Variants in HDGFL2 observed in about 807,000 individuals in gnomAD.
HDGFL2 encodes HDGF like 2.
A neutral mutation model predicts 77.1 loss-of-function variants in HDGFL2; 36 were observed. The observed-to-expected ratio is 0.47, with a 90% CI of 0.36 to 0.62. The LOEUF is 0.62. HDGFL2 is among the 20% of genes least tolerant of loss of function. The pLI is 0.00. For missense variants in HDGFL2, 976 were observed against 973.4 expected, an observed-to-expected ratio of 1.00 and a Z score of -0.04; for synonymous variants, 463 against 413.1, an observed-to-expected ratio of 1.12 and a Z score of -1.46.
chr19:4,486,069 A>C (rs12978440), intron 3 of HDGFL2, among the ~76,000 whole-genome samples: 60,568 of 145,242 alleles, frequency 0.42, 13,183 homozygotes, highest in Middle Eastern at 0.48. Flanking sequence ...AAAAAAAAAA[A>C]AACAACAACC....
At chr19:4,498,208 A>G (rs1392953938) in intron 11 of HDGFL2, 98 bp from the exon 12 acceptor site, 16 of 1,289,676 alleles carry the variant, frequency 1.2e-5, no homozygotes, top group East Asian at 9.5e-5. Context: ...TGGGGCCCCC[A>G]TGACAAATCC....
At chr19:4,477,154 T>C (rs1053980575) in intron 3 of HDGFL2, among the ~76,000 whole-genome samples, 1 of 152,138 alleles carries the variant, frequency 6.6e-6, no homozygotes, top group African/African-American at 2.4e-5. Context: ...TGTTTCGGCC[T>C]GGGCTGGGTG....
chr19:4,487,220 C>A (rs1437148840), intron 3 of HDGFL2, among the ~76,000 whole-genome samples: 1 of 152,132 alleles, frequency 6.6e-6, no homozygotes, highest in East Asian at 1.9e-4. Context: ...CCCACCGCGG[C>A]CTCCCAAAGT....
intron 6 of HDGFL2, among the ~76,000 whole-genome samples, chr19:4,492,965 C>CTGTG (rs1163630194): frequency 1.0e-5 from 1 of 98,410 alleles, no homozygotes; most frequent in Non-Finnish European, 2.0e-5. Flanking sequence ...TGTGAGTTGT[C>CTGTG]TGTGGTGTGT....
chr19:4,484,111 A>T (rs1388237675), intron 3 of HDGFL2, among the ~76,000 whole-genome samples: 2 of 91,940 alleles, frequency 2.2e-5, no homozygotes. Context: ...TTTTTTTGAG[A>T]CAGTGTCTGT....
intron 3 of HDGFL2, among the ~76,000 whole-genome samples, chr19:4,483,230 A>G (rs192632857): frequency 1.8e-4 from 27 of 152,278 alleles, no homozygotes; most frequent in Middle Eastern, 3.4e-3. Flanking sequence ...GCTCGGGCCG[A>G]GCGGTGACGC....
intron 3 of HDGFL2, among the ~76,000 whole-genome samples, chr19:4,488,234 G>C (rs1002288966): frequency 6.6e-6 from 1 of 152,222 alleles, no homozygotes; most frequent in Non-Finnish European, 1.5e-5. Context: ...GCCTCCCAAA[G>C]TGCTGGGATT....
At position 4,494,206 on chromosome 19, in the gene HDGFL2, C is replaced by A; in HGVS notation, c.955C>A (p.Arg319=). ...EVDRISEWKR[R]DEARRRELEA... ...GGACCGCATCAGTGAGTGGAAGCGG[C>A]GGGACGAGGCGCGGAGGCGCGAGCT... Residue 319 remains arginine (R), a synonymous_variant, in exon 9 of 16, where the codon CGG becomes AGG. Coordinates refer to ENST00000616600, the MANE Select transcript of HDGFL2 (RefSeq NM_001001520.3). The A allele has an allele frequency of 6.8e-7, 1 of 1,472,824 alleles. No homozygotes were observed. 91.2% of individuals were successfully genotyped at this position (1,472,824 alleles called of 1,614,324 possible). A position where few individuals can be genotyped will look rare whatever the true frequency, so the allele number is the denominator to read the frequency against.
chr19:4,498,412 C>G (rs554263647), intron 12 of HDGFL2, 36 bp downstream of exon 12: 1 of 1,507,108 alleles, frequency 6.6e-7, no homozygotes, highest in Non-Finnish European at 9.2e-7. Context: ...AAGCAGTCCC[C>G]GCTGCCACCT....
intron 10 of HDGFL2, chr19:4,496,923 G>A (rs1466061501): frequency 2.5e-6 from 1 of 405,072 alleles, no homozygotes; most frequent in African/African-American, 2.1e-5. Flanking sequence ...GCACAGGCTG[G>A]AGTGCAATGG....
chr19:4,482,970 C>T (rs1975258703), intron 3 of HDGFL2, among the ~76,000 whole-genome samples: 1 of 152,146 alleles, frequency 6.6e-6, no homozygotes. Context: ...ATTCTCTGAG[C>T]TGCTACTCCC....
intron 14 of HDGFL2, among the ~76,000 whole-genome samples, chr19:4,499,956 G>A (rs1975814088): frequency 6.6e-6 from 1 of 152,218 alleles, no homozygotes. Flanking sequence ...GAGGGGTGAC[G>A]GGGACAGTGC....
chr19:4,479,969 T>G (rs1220940797), intron 3 of HDGFL2, among the ~76,000 whole-genome samples: 3 of 151,822 alleles, frequency 2.0e-5, no homozygotes, highest in Non-Finnish European at 4.4e-5. Context: ...TCTGAAGCCT[T>G]GTAGACCCAG....
At position 4,494,249 on chromosome 19, in the gene HDGFL2, G is replaced by A. The variant is rs951411616; in HGVS notation, c.998G>A (p.Arg333Gln). The A allele has an allele frequency of 8.9e-6, 13 of 1,461,254 alleles. No homozygotes were observed. Among genetic ancestry groups the A allele is most frequent in the Non-Finnish European group, 1.1e-5 (12 of 1,110,412 alleles). 90.5% of individuals were successfully genotyped at this position (1,461,254 alleles called of 1,614,324 possible). The change falls in exon 9 of 16, where the codon CGA (arginine) becomes CAA (glutamine). Residue 333 changes from arginine (R) to glutamine (Q), a missense_variant. Physicochemically the swap from Arg to Gln is conservative, Grantham distance 43. Around this residue, in one of 5 missense-constraint regions of HDGFL2, gnomAD observed 567 missense variants for 534.7 expected, o/e 1.06. Coordinates refer to ENST00000616600, the MANE Select transcript of HDGFL2 (RefSeq NM_001001520.3). ...CGCGAGCTGGAGGCCCGGCGGCGGC[G>A]AGAGCAGGAGGAGGAGCTGCGGCGC... ...RRRELEARRRREQEEELRRLR... is the reference protein window; with the variant it reads ...RRRELEARRRQEQEEELRRLR...
chr19:4,472,450 T>TGGGGGGGG (rs57169858), intron 1 of HDGFL2, 28 bp downstream of exon 1: 4 of 282,880 alleles, frequency 1.4e-5, no homozygotes, highest in Non-Finnish European at 2.4e-5. Flanking sequence ...ATGGGGCCGG[T>TGGGGGGGG]GGGGGGGGGG....
chr19:4,496,257 T>C (rs1975697983), intron 9 of HDGFL2, 45 bp from the exon 10 acceptor site: 1 of 1,507,092 alleles, frequency 6.6e-7, no homozygotes, highest in Non-Finnish European at 9.2e-7. Context: ...GTCTGGGTAA[T>C]CCCCTCTTCC....
intron 7 of HDGFL2, 26 bp downstream of exon 7, chr19:4,493,888 C>G (rs1975621314): frequency 6.6e-7 from 1 of 1,509,698 alleles, no homozygotes; most frequent in Non-Finnish European, 8.9e-7. Flanking sequence ...TCGCACATCT[C>G]TTGGCCTGGC....
At chr19:4,498,133 C>A (rs1975757779) in intron 11 of HDGFL2, 102 bp downstream of exon 11, 2 of 1,245,226 alleles carry the variant, frequency 1.6e-6, no homozygotes, top group Non-Finnish European at 2.3e-6. Context: ...AGAGAGGGTG[C>A]TCAGCACATC....
rs375575025 is a variant in HDGFL2 at position 4,491,725 on chromosome 19, T to C, written c.607-39T>C. On this transcript the variant is annotated intron_variant, in intron 5 of 15. Coordinates refer to ENST00000616600, the MANE Select transcript of HDGFL2 (RefSeq NM_001001520.3). ...TGGGATGGCAGGGAAGCGTGGTGGC[T>C]GCCAGTGGGCCCCAGTTCAGCTCAC... 1.8e-5 allele frequency: 29 copies of C among 1,613,352 alleles called. No homozygotes were observed. In the African/African-American group the frequency reaches 3.7e-4, roughly 21 times the overall value.
Sources: allele counts gnomAD v4.1 joint callset (sites outside exome capture counted in the v4.1 genomes callset), GRCh38; gene constraint gnomAD v4.1.1; regional missense constraint gnomAD v4.1.1; transcripts MANE v1.5; gene names NCBI Gene and HGNC (gene_info 2026-07-23, HGNC 2026-07-21).